Variants in UBE2H observed in about 807,000 individuals in gnomAD.
The protein encoded by UBE2H is ubiquitin-conjugating enzyme E2 H.
Under a neutral mutation model 29.0 loss-of-function variants are expected in UBE2H, and 3 were observed. That is an observed-to-expected ratio of 0.10 (90% CI 0.05 to 0.27). The LOEUF is 0.27. Ranked by LOEUF, UBE2H falls within the 10% of genes least tolerant of loss-of-function variation. The pLI is 1.00. For synonymous variants in UBE2H, 69 were observed against 82.9 expected, an observed-to-expected ratio of 0.83 and a Z score of 0.91; for missense variants, 68 against 228.2, an observed-to-expected ratio of 0.30 and a Z score of 4.52.
At chr7:129,843,598 T>A (rs986500105) in intron 5 of UBE2H, among the ~76,000 whole-genome samples, 3 of 152,186 alleles carry the variant, frequency 2.0e-5, no homozygotes, top group Non-Finnish European at 4.4e-5. Flanking sequence ...ATACCATCGC[T>A]GGCAGGGAAG....
chr7:129,952,584 C>T lies in UBE2H; in HGVS notation c.-29G>A, dbSNP rs1185375939. ...GTCGCCGCCGCCTCTCTCCCTTCCT[C>T]GGCCCGTCTGTCACGGGCCCGGGGC... On this transcript the variant is annotated 5_prime_UTR_variant, in exon 1 of 7. Transcript: ENST00000355621. 1 of 1,607,616 alleles carries T rather than the reference C, an allele frequency of 6.2e-7. No individual in the cohort carries two copies.
intron 1 of UBE2H, among the ~76,000 whole-genome samples, chr7:129,910,226 G>A (rs1806904285): frequency 6.6e-6 from 1 of 152,054 alleles, no homozygotes; most frequent in Non-Finnish European, 1.5e-5. Flanking sequence ...CTACTCAAGA[G>A]GCTGAGGCAG....
chr7:129,890,208 TCAGA>T (rs971671662), intron 1 of UBE2H, among the ~76,000 whole-genome samples: 16 of 151,760 alleles, frequency 1.1e-4, no homozygotes, highest in African/African-American at 3.4e-4. Flanking sequence ...TTTTAGCCTC[TCAGA>T]CAGGTAAAGT....
chr7:129,947,487 C>G (rs138081181), intron 1 of UBE2H, among the ~76,000 whole-genome samples: 323 of 152,256 alleles, frequency 2.1e-3, no homozygotes, highest in Admixed American at 7.0e-3. Flanking sequence ...TAAAGAGTAA[C>G]AAAGACTACT....
At chr7:129,926,842 T>C (rs939058851) in intron 1 of UBE2H, among the ~76,000 whole-genome samples, 1 of 152,102 alleles carries the variant, frequency 6.6e-6, no homozygotes, top group Non-Finnish European at 1.5e-5. Flanking sequence ...CAGCCCCTTC[T>C]CCATACAGCA....
At chr7:129,873,076 G>A (rs1806075513) in intron 3 of UBE2H, among the ~76,000 whole-genome samples, 1 of 148,812 alleles carries the variant, frequency 6.7e-6, no homozygotes, top group African/African-American at 2.5e-5. Context: ...CTGGAGTGCC[G>A]TGGCGCGATC....
chr7:129,851,113 C>T (rs1040732842), intron 5 of UBE2H, among the ~76,000 whole-genome samples: 18 of 152,044 alleles, frequency 1.2e-4, no homozygotes, highest in African/African-American at 3.9e-4. Flanking sequence ...TAGCCCCTTT[C>T]CCCCCAACAT....
At chr7:129,939,326 A>G (rs1200140964) in intron 1 of UBE2H, among the ~76,000 whole-genome samples, 1 of 152,206 alleles carries the variant, frequency 6.6e-6, no homozygotes, top group Admixed American at 6.5e-5. Flanking sequence ...GGAATGAGCC[A>G]CTGCAACCAG....
At chr7:129,885,062 TAAA>T (rs35043856) in intron 1 of UBE2H, among the ~76,000 whole-genome samples, 3 of 143,484 alleles carry the variant, frequency 2.1e-5, no homozygotes, top group Admixed American at 6.9e-5. Context: ...GAACTTCTCT[TAAA>T]AAAAAAAAAA....
Position 129,834,794 on chromosome 7 carries a change from T to C in UBE2H, c.*143A>G, listed in dbSNP as rs1805292176. On this transcript the variant is annotated 3_prime_UTR_variant, in exon 7 of 7. Coordinates refer to ENST00000355621, the MANE Select transcript of UBE2H (RefSeq NM_003344.4). ...AGAAATCAAGATCTAAAGGGTGATA[T>C]ATAATATATATATATCAATGCTATT... 1 of 907,342 alleles carries C rather than the reference T, an allele frequency of 1.1e-6. No homozygotes were observed. The allele number at this position is 907,342 out of a possible 1,614,324, so 56.2% of individuals were successfully genotyped here.
chr7:129,865,990 C>T (rs559938329), intron 3 of UBE2H, among the ~76,000 whole-genome samples: 57 of 152,256 alleles, frequency 3.7e-4, no homozygotes, highest in Non-Finnish European at 6.5e-4. Flanking sequence ...CATTGGCCAG[C>T]TATGTGCAGG....
At chr7:129,926,934 G>C (rs1279822271) in intron 1 of UBE2H, among the ~76,000 whole-genome samples, 1 of 152,152 alleles carries the variant, frequency 6.6e-6, no homozygotes, top group Non-Finnish European at 1.5e-5. Flanking sequence ...TTTACAACCT[G>C]ATTCTTTAAT....
At chr7:129,843,814 T>C (rs1805468431) in intron 5 of UBE2H, among the ~76,000 whole-genome samples, 1 of 152,188 alleles carries the variant, frequency 6.6e-6, no homozygotes, top group Non-Finnish European at 1.5e-5. Flanking sequence ...ATATTATTAT[T>C]ACAGGTGCTG....
chr7:129,908,037 C>T (rs1039644247), intron 1 of UBE2H, among the ~76,000 whole-genome samples: 4 of 152,128 alleles, frequency 2.6e-5, no homozygotes, highest in Non-Finnish European at 5.9e-5. Flanking sequence ...GCTTTATCCC[C>T]CTCCCCAGGG....
Position 129,936,610 on chromosome 7 carries a change from TAG to T in UBE2H, c.53+15891_53+15892del, listed in dbSNP as rs1409569463. Among the ~76,000 whole-genome samples, 57 of 135,002 alleles carry T rather than the reference TAG, an allele frequency of 4.2e-4. 1 individual carries two copies. Among genetic ancestry groups the T allele is most frequent in the Non-Finnish European group, 8.0e-5 (5 of 62,160 alleles). 88.6% of individuals were successfully genotyped at this position (135,002 alleles called of 152,430 possible). On this transcript the variant is annotated intron_variant, in intron 1 of 6. Transcript: ENST00000355621. ...CTCCATCTCAAAAAAAAAAAAAAAA[TAG>T]AATTTCTAATTCTCATTAAGCAAAT...
At position 129,862,653 on chromosome 7, in the gene UBE2H, G is replaced by A. The variant is rs117924203; in HGVS notation, c.206-3712C>T. ...GGAGAAGGTCACTATAGAGGGAACA[G>A]CCAAGTGCAAAGCACATTAGGAGCT... On this transcript the variant is annotated intron_variant, in intron 3 of 6. Coordinates refer to ENST00000355621, the MANE Select transcript of UBE2H (RefSeq NM_003344.4). 1.0e-3 allele frequency among the ~76,000 whole-genome samples: 159 copies of A among 152,318 alleles called. 1 individual carries two copies. In the East Asian group the frequency reaches 0.027, roughly 26 times the overall value.
chr7:129,843,640 C>T (rs1018757926), intron 5 of UBE2H, among the ~76,000 whole-genome samples: 7 of 152,208 alleles, frequency 4.6e-5, no homozygotes, highest in African/African-American at 1.7e-4. Context: ...GATCACCCTC[C>T]TCCCCAAAGA....
chr7:129,909,240 C>T lies in UBE2H; in HGVS notation c.54-28269G>A, dbSNP rs192414861. ...GAAAATGTCAGGTGGGAAAAATGGC[C>T]GGAAATGGGAAGAAGAAACATGTAC... On this transcript the variant is annotated intron_variant, in intron 1 of 6. Coordinates refer to ENST00000355621, the MANE Select transcript of UBE2H (RefSeq NM_003344.4). Among the ~76,000 whole-genome samples, 9 of 152,028 alleles carry T rather than the reference C, an allele frequency of 5.9e-5. No homozygotes were observed. In the East Asian group the frequency reaches 9.7e-4, roughly 16 times the overall value.
intron 1 of UBE2H, among the ~76,000 whole-genome samples, chr7:129,950,544 T>G (rs1807853323): frequency 6.6e-6 from 1 of 152,106 alleles, no homozygotes; most frequent in Admixed American, 6.6e-5. Context: ...TCAGGTCAAG[T>G]TAGGCCCCCC....
Sources: allele counts gnomAD v4.1 joint callset (sites outside exome capture counted in the v4.1 genomes callset), GRCh38; gene constraint gnomAD v4.1.1; transcripts MANE v1.5; gene names NCBI Gene and HGNC (gene_info 2026-07-23, HGNC 2026-07-21).